Variants in SMOC2 observed in about 807,000 individuals in gnomAD.
SMOC2 encodes the protein SPARC related modular calcium binding 2.
A neutral mutation model predicts 61.4 loss-of-function variants in SMOC2; 39 were observed. The observed-to-expected ratio is 0.64, with a 90% CI of 0.49 to 0.83. SMOC2 has a LOEUF of 0.83. SMOC2 is among the 40% of genes least tolerant of loss of function. The pLI is 0.00. For synonymous variants in SMOC2, 247 were observed against 239.9 expected, an observed-to-expected ratio of 1.03 and a Z score of -0.27; for missense variants, 556 against 592.9, an observed-to-expected ratio of 0.94 and a Z score of 0.65.
intron 9 of SMOC2, among the ~76,000 whole-genome samples, chr6:168,628,861 A>G (rs1786489164): frequency 6.6e-6 from 1 of 152,206 alleles, no homozygotes; most frequent in Non-Finnish European, 1.5e-5. Flanking sequence ...ACTGCTGCAG[A>G]GACCACTCTT....
chr6:168,501,110 A>G (rs2115042289), intron 1 of SMOC2, among the ~76,000 whole-genome samples: 2 of 152,302 alleles, frequency 1.3e-5, no homozygotes, highest in South Asian at 4.1e-4. Flanking sequence ...TTTCGTTGTC[A>G]TTGCCAGAGA....
intron 4 of SMOC2, among the ~76,000 whole-genome samples, chr6:168,538,197 A>C (rs796576020): frequency 1.2e-4 from 16 of 132,556 alleles, no homozygotes; most frequent in African/African-American, 4.7e-4. Flanking sequence ...CCCTGCTGGA[A>C]TCTGGGGAGT....
intron 1 of SMOC2, among the ~76,000 whole-genome samples, chr6:168,503,414 C>A (rs538171919): frequency 1.3e-5 from 2 of 152,048 alleles, no homozygotes; most frequent in Non-Finnish European, 2.9e-5. Flanking sequence ...AGAGCACTTA[C>A]GTCACGTCTC....
intron 4 of SMOC2, among the ~76,000 whole-genome samples, chr6:168,543,367 G>A (rs1403677807): frequency 6.6e-6 from 1 of 152,100 alleles, no homozygotes; most frequent in Non-Finnish European, 1.5e-5. Flanking sequence ...TAATATATTG[G>A]GTTTTAAGGT....
chr6:168,448,216 T>C (rs1781373973), intron 1 of SMOC2, among the ~76,000 whole-genome samples: 1 of 152,104 alleles, frequency 6.6e-6, no homozygotes, highest in Non-Finnish European at 1.5e-5. Flanking sequence ...TTCTCTGCCA[T>C]GAAAGCAACA....
At chr6:168,574,586 G>A (rs2342631) in intron 7 of SMOC2, among the ~76,000 whole-genome samples, 12,868 of 152,214 alleles carry the variant, frequency 0.085, 836 homozygotes, top group East Asian at 0.18. Context: ...AACGTCTGCA[G>A]ATGTGTTTAG....
At chr6:168,621,166 T>G (rs1348753417) in intron 9 of SMOC2, among the ~76,000 whole-genome samples, 1 of 152,254 alleles carries the variant, frequency 6.6e-6, no homozygotes, top group Non-Finnish European at 1.5e-5. Flanking sequence ...TGCCCATTAG[T>G]TGTTAATTCG....
intron 9 of SMOC2, among the ~76,000 whole-genome samples, chr6:168,629,627 C>T (rs1362485251): frequency 6.6e-6 from 1 of 152,174 alleles, no homozygotes; most frequent in Non-Finnish European, 1.5e-5. Context: ...TTAAAAACAC[C>T]CTCCTCAAGT....
At chr6:168,441,519 G>A in intron 1 of SMOC2, 65 bp downstream of exon 1, 2 of 1,427,870 alleles carry the variant, frequency 1.4e-6, no homozygotes, top group Non-Finnish European at 1.8e-6. Context: ...GCCGGGTTCG[G>A]GTCCCCGCGC....
Position 168,627,413 on chromosome 6 carries a change from C to G in SMOC2, c.907+19174C>G, listed in dbSNP as rs1786442111. 2.0e-5 allele frequency among the ~76,000 whole-genome samples: 3 copies of G among 152,216 alleles called. No homozygotes were observed. The South Asian group carries it at 6.2e-4, about 32-fold the overall frequency. On this transcript the variant is annotated intron_variant, in intron 9 of 12. Transcript: ENST00000356284. ...TTATCTCCTGATTGCTTGCTCCATGCTGAGCTTTTAATTTTTATTAGATTT... is the reference window on the plus strand; with the variant it reads ...TTATCTCCTGATTGCTTGCTCCATGGTGAGCTTTTAATTTTTATTAGATTT...
Position 168,527,579 on chromosome 6 carries a change from G to A in SMOC2, c.364-49G>A, listed in dbSNP as rs533650842. 67 of 1,386,316 alleles carry A rather than the reference G, an allele frequency of 4.8e-5. 1 individual carries two copies. Among genetic ancestry groups the A allele is most frequent in the South Asian group, 4.6e-4 (37 of 80,734 alleles). 85.9% of individuals were successfully genotyped at this position (1,386,316 alleles called of 1,614,324 possible). ...AGAGTGGGCCTCGCAGCCGTGAGGC[G>A]CTGCGCCACGGGCCCGGGAGGGCTT... On this transcript the variant is annotated intron_variant, in intron 3 of 12. Transcript: ENST00000356284.
At chr6:168,462,901 C>G (rs895278924) in intron 1 of SMOC2, among the ~76,000 whole-genome samples, 3 of 152,126 alleles carry the variant, frequency 2.0e-5, no homozygotes, top group African/African-American at 4.8e-5. Context: ...AGTGGATGAT[C>G]AGATGGTGAG....
At chr6:168,565,677 G>A (rs1041712312) in intron 7 of SMOC2, among the ~76,000 whole-genome samples, 6 of 152,120 alleles carry the variant, frequency 3.9e-5, no homozygotes, top group Non-Finnish European at 7.4e-5. Context: ...AAAACAAAGC[G>A]TATCAATAAA....
intron 1 of SMOC2, among the ~76,000 whole-genome samples, chr6:168,456,091 G>T (rs937303633): frequency 1.3e-5 from 2 of 152,252 alleles, no homozygotes; most frequent in Non-Finnish European, 2.9e-5. Context: ...GGGGGCACGG[G>T]CCTGCTGGGA....
At chr6:168,549,314 G>A (rs1298058854) in intron 7 of SMOC2, 111 bp downstream of exon 7, 2 of 932,104 alleles carry the variant, frequency 2.1e-6, no homozygotes, top group South Asian at 1.5e-5. Context: ...TGAACAACAT[G>A]GGGGTGAGGG....
chr6:168,576,857 C>T (rs1784815377), intron 7 of SMOC2, among the ~76,000 whole-genome samples: 1 of 149,428 alleles, frequency 6.7e-6, no homozygotes, highest in Non-Finnish European at 1.5e-5. Flanking sequence ...TTAAATTGAG[C>T]ACTTTGCTCC....
chr6:168,652,444 G>T (rs547087360), intron 10 of SMOC2, among the ~76,000 whole-genome samples: 1 of 152,154 alleles, frequency 6.6e-6, no homozygotes, highest in Non-Finnish European at 1.5e-5. Context: ...TTAAAGATCC[G>T]CACCTTCTAG....
intron 1 of SMOC2, among the ~76,000 whole-genome samples, chr6:168,448,311 T>C (rs187348437): frequency 3.5e-4 from 53 of 151,074 alleles, no homozygotes; most frequent in Admixed American, 1.5e-3. Context: ...CCCAGGAGGC[T>C]GGGGAGGAGG....
At chr6:168,551,168 T>G (rs1003241971) in intron 7 of SMOC2, among the ~76,000 whole-genome samples, 51 of 152,328 alleles carry the variant, frequency 3.3e-4, no homozygotes, top group African/African-American at 1.2e-3. Flanking sequence ...CCTGCTGGCT[T>G]GTGATGAAGG....
Sources: gnomAD v4.1 joint callset for allele counts (sites outside exome capture counted in the v4.1 genomes callset) on GRCh38, gnomAD v4.1.1 for gene constraint, MANE v1.5 for transcripts, NCBI Gene and HGNC (gene_info 2026-07-23, HGNC 2026-07-21) for gene names.